GGA3: variants seen among roughly 807,000 people sequenced by gnomAD.
GGA3 encodes the protein golgi associated, gamma adaptin ear containing, ARF binding protein 3.
GGA3 carries 57 observed loss-of-function variants against 77.5 expected under a neutral mutation model. The observed-to-expected ratio is 0.74, with a 90% CI of 0.59 to 0.92. GGA3 has a LOEUF of 0.92. Among genes scored for constraint, GGA3 ranks in the 40% least tolerant of loss-of-function variants. The pLI, the probability that GGA3 is intolerant of heterozygous loss-of-function variation, is 0.00. For synonymous variants in GGA3, 416 were observed against 383.7 expected (o/e 1.08, Z -0.98); for missense variants, 970 against 914.9 (o/e 1.06, Z -0.78).
chr17:75,260,024 C>T (rs1277450552), intron 1 of GGA3, among the ~76,000 whole-genome samples: 1 of 152,032 alleles, frequency 6.6e-6, no homozygotes, highest in African/African-American at 2.4e-5. Flanking sequence ...TGGCGTGTGC[C>T]TATAGTCCCA....
chr17:75,237,593 A>C lies in GGA3; in HGVS notation c.*686T>G, dbSNP rs544132418. The stretch of plus-strand genomic sequence containing the variant: ...CTTCCTATCCCTAGTTGGGCCTGTC[A>C]TGAGGCCAAATTCCATGTCCTGCCA... On this transcript the variant is annotated 3_prime_UTR_variant, in exon 17 of 17. Coordinates refer to ENST00000537686, the MANE Select transcript of GGA3 (RefSeq NM_138619.4). The C allele has an allele frequency of 7.8e-6, 12 of 1,533,938 alleles. No individual in the cohort carries two copies. The highest frequency in any genetic ancestry group is 1.4e-5 in the African/African-American group (1 of 73,022).
intron 1 of GGA3, among the ~76,000 whole-genome samples, chr17:75,259,580 G>A (rs1416898138): frequency 1.3e-5 from 2 of 152,106 alleles, no homozygotes; most frequent in Non-Finnish European, 2.9e-5. Context: ...AGGCAACAGT[G>A]GAATGATTTG....
rs773095912 is a variant in GGA3, at chr17:75,261,605, C to A, written c.-18G>T. On this transcript the variant is annotated 5_prime_UTR_variant, in exon 1 of 17. Coordinates refer to ENST00000537686, the MANE Select transcript of GGA3 (RefSeq NM_138619.4). ...TCCGCCATATTGCAGCCGCCCGGCC[C>A]CGCGGCTTCAAAACTCGCGAGAGTC... 2.2e-5 allele frequency: 34 copies of A among 1,540,090 alleles called. No homozygotes were observed. Among genetic ancestry groups the A allele is most frequent in the Non-Finnish European group, 3.0e-5 (34 of 1,143,458 alleles).
Position 75,236,673 on chromosome 17 carries a change from G to C in GGA3, c.*1606C>G, listed in dbSNP as rs2076329837. 1.3e-5 allele frequency: 2 copies of C among 152,644 alleles called. No individual in the cohort carries two copies. The highest frequency in any genetic ancestry group is 4.1e-4 in the South Asian group (2 of 4,832). 9.5% of individuals were successfully genotyped at this position (152,644 alleles called of 1,614,324 possible). On this transcript the variant is annotated 3_prime_UTR_variant, in exon 17 of 17. Transcript: ENST00000537686. The stretch of plus-strand genomic sequence containing the variant: ...GCTGGGATATCCAGTACAGCCATTT[G>C]CCACGAAGCACTGACCTCAACAGTA...
chr17:75,255,076 T>C (rs367696563), intron 1 of GGA3, among the ~76,000 whole-genome samples: 6 of 152,138 alleles, frequency 3.9e-5, no homozygotes, highest in South Asian at 2.1e-4. Flanking sequence ...GGAAGCCCCA[T>C]AGACCATCAC....
chr17:75,244,018 C>G (rs1230777018), intron 4 of GGA3, among the ~76,000 whole-genome samples: 1 of 152,136 alleles, frequency 6.6e-6, no homozygotes, highest in African/African-American at 2.4e-5. Flanking sequence ...GACATCAAGA[C>G]AGAGAGGCTT....
At chr17:75,238,489 TC>T in intron 16 of GGA3, 100 bp from the exon 17 acceptor site, 3 of 1,118,804 alleles carry the variant, frequency 2.7e-6, no homozygotes, top group South Asian at 2.8e-5. Flanking sequence ...TGGTCCCTTT[TC>T]CCCGCAACCC....
intron 1 of GGA3, among the ~76,000 whole-genome samples, chr17:75,259,385 A>G (rs1482203420): frequency 6.6e-6 from 1 of 152,224 alleles, no homozygotes; most frequent in East Asian, 1.9e-4. Flanking sequence ...GAAGTCATCA[A>G]GAGATGGTTT....
At chr17:75,262,140 GT>G, upstream of GGA3, 1 of 866,766 alleles carries the variant, frequency 1.2e-6, no homozygotes, top group Non-Finnish European at 1.7e-6. Flanking sequence ...CAATCCGAAG[GT>G]TTAGTGACTA....
intron 4 of GGA3, 119 bp from the exon 5 acceptor site, chr17:75,243,689 C>T: frequency 1.0e-6 from 1 of 969,146 alleles, no homozygotes; most frequent in Non-Finnish European, 1.5e-6. Context: ...TCAAAATCTG[C>T]AGGTGTCCAA....
At position 75,237,475 on chromosome 17, in the gene GGA3, G is replaced by A. The variant is rs775139723; in HGVS notation, c.*804C>T. The A allele has an allele frequency of 6.5e-7, 1 of 1,535,248 alleles. No homozygotes were observed. Among genetic ancestry groups the A allele is most frequent in the Non-Finnish European group, 8.7e-7 (1 of 1,146,102 alleles). ...CATGCCAAGCAAGAGGTAGTCAGTA[G>A]GATGGCCTGTCCCCACGGCTGGAGG... is the stretch of plus-strand genomic sequence containing the variant. On this transcript the variant is annotated 3_prime_UTR_variant, in exon 17 of 17. Transcript: ENST00000537686.
At chr17:75,256,076 C>T (rs1319077356) in intron 1 of GGA3, among the ~76,000 whole-genome samples, 3 of 152,146 alleles carry the variant, frequency 2.0e-5, no homozygotes, top group Non-Finnish European at 4.4e-5. Context: ...ACCTCAATCC[C>T]TTACAAAACA....
Position 75,241,649 on chromosome 17 carries a change from G to C in GGA3, c.795C>G (p.Leu265=), listed in dbSNP as rs777165586. The C allele has an allele frequency of 1.9e-6, 3 of 1,614,030 alleles. No individual in the cohort carries two copies. ...CENKRRTLFK[L]ASETEDNDNS... ...TATCATTGTCCTCAGTCTCACTGGCGAGTTTAAATAAAGTCCGCCTCTTGT... is the reference window on the plus strand; with the variant it reads ...TATCATTGTCCTCAGTCTCACTGGCCAGTTTAAATAAAGTCCGCCTCTTGT... The change falls in exon 9 of 17, where the codon CTC becomes CTG. Residue 265 remains leucine, a synonymous_variant. Transcript: ENST00000537686.
At chr17:75,240,756 CCCTT>C (rs1224598260) in intron 11 of GGA3, 52 bp downstream of exon 11, 14 of 1,541,556 alleles carry the variant, frequency 9.1e-6, no homozygotes, top group Non-Finnish European at 1.2e-5. Context: ...ATTCCACACA[CCCTT>C]CCTCCCAGAG....
At chr17:75,241,361 G>T in intron 10 of GGA3, 39 bp downstream of exon 10, 1 of 1,317,882 alleles carries the variant, frequency 7.6e-7, no homozygotes, top group Non-Finnish European at 1.1e-6. Flanking sequence ...CCTGAGGCTG[G>T]TCTGGAGGAG....
In GGA3 at chr17:75,243,189, G is replaced by A. The variant is rs375912676; in HGVS notation, c.425-23C>T. The A allele has an allele frequency of 4.7e-4, 725 of 1,530,276 alleles. 1 individual carries two copies. Among genetic ancestry groups the A allele is most frequent in the Non-Finnish European group, 6.1e-4 (678 of 1,112,864 alleles). The allele number at this position is 1,530,276 out of a possible 1,614,324, so 94.8% of individuals were successfully genotyped here. A position where few individuals can be genotyped will look rare whatever the true frequency, so the allele number is the denominator to read the frequency against. ...TGCCTGAAAGGGGACATGGCAGCAC[G>A]TGCACTCAGGCTGTGGTTGCCTTGT... On this transcript the variant is annotated intron_variant, in intron 5 of 16. Transcript: ENST00000537686.
intron 11 of GGA3, 142 bp from the exon 12 acceptor site, chr17:75,240,554 G>A (rs2145489422): frequency 1.5e-6 from 1 of 673,240 alleles, no homozygotes; most frequent in East Asian, 2.7e-5. Flanking sequence ...GCAGCCTCCA[G>A]AGGGGAATGG....
chr17:75,251,689 A>AGAGTGAG (rs929009760), intron 1 of GGA3, among the ~76,000 whole-genome samples: 1 of 122,640 alleles, frequency 8.2e-6, no homozygotes, highest in Non-Finnish European at 1.6e-5. Context: ...CTGGGCGACT[A>AGAGTGAG]GAGTGAGACT....
In GGA3 at chr17:75,236,952, T is replaced by G. The variant is rs949638619; in HGVS notation, c.*1327A>C. 6.0e-6 allele frequency: 1 copy of G among 165,874 alleles called. No homozygotes were observed. Among genetic ancestry groups the G allele is most frequent in the Non-Finnish European group, 1.3e-5 (1 of 75,040 alleles). The allele number at this position is 165,874 out of a possible 1,614,324, so 10.3% of individuals were successfully genotyped here. On this transcript the variant is annotated 3_prime_UTR_variant, in exon 17 of 17. Transcript: ENST00000537686. ...TCCCATAGTAAGGAATAAGGAAGCC[T>G]GGCAAGGGGCAGGGAGGAACCAGGG...
Sources: gnomAD v4.1 joint callset for allele counts (sites outside exome capture counted in the v4.1 genomes callset) on GRCh38, gnomAD v4.1.1 for gene constraint, MANE v1.5 for transcripts, NCBI Gene and HGNC (gene_info 2026-07-23, HGNC 2026-07-21) for gene names.